CTNNA3: variants seen among roughly 807,000 people sequenced by gnomAD.
The protein encoded by CTNNA3 is catenin alpha 3.
A neutral mutation model predicts 95.7 loss-of-function variants in CTNNA3; 76 were observed. The observed-to-expected ratio is 0.79, with a 90% confidence interval of 0.66 to 0.96. The LOEUF (loss-of-function observed/expected upper bound fraction) is 0.96, where lower values mean the gene tolerates loss of function less well. Ranked by LOEUF, CTNNA3 falls within the 40% of genes least tolerant of loss-of-function variation. The pLI is 0.00. For synonymous variants in CTNNA3, 431 were observed against 374.4 expected, an observed-to-expected ratio of 1.15 and a Z score of -1.74; for missense variants, 1,191 against 1,089.8, an observed-to-expected ratio of 1.09 and a Z score of -1.31.
intron 5 of CTNNA3, among the ~76,000 whole-genome samples, chr10:67,340,215 T>C (rs1213679469): frequency 1.3e-5 from 2 of 152,304 alleles, no homozygotes; most frequent in South Asian, 2.1e-4. Flanking sequence ...GTTTGCTTAT[T>C]GTATTTTTAA....
intron 5 of CTNNA3, among the ~76,000 whole-genome samples, chr10:67,445,391 C>G (rs1481908696): frequency 1.3e-5 from 2 of 148,478 alleles, no homozygotes; most frequent in African/African-American, 5.0e-5. Flanking sequence ...GAGCTAAATG[C>G]ATTAAAAAAA....
At chr10:67,172,495 C>T (rs1862061742) in intron 7 of CTNNA3, among the ~76,000 whole-genome samples, 1 of 152,038 alleles carries the variant, frequency 6.6e-6, no homozygotes, top group Non-Finnish European at 1.5e-5. Flanking sequence ...CAAAATCCAT[C>T]ATATGTATTC....
intron 7 of CTNNA3, among the ~76,000 whole-genome samples, chr10:66,865,218 G>GCA (rs1476164689): frequency 7.4e-5 from 11 of 149,172 alleles, no homozygotes; most frequent in Admixed American, 6.7e-4. Context: ...GTGTGCGTGT[G>GCA]TGTGTGTGTG....
At chr10:66,716,196 A>G (rs986960693) in intron 9 of CTNNA3, among the ~76,000 whole-genome samples, 17 of 152,140 alleles carry the variant, frequency 1.1e-4, no homozygotes, top group African/African-American at 4.1e-4. Flanking sequence ...CTTATCGTGT[A>G]CAAATGTTAT....
chr10:66,279,872 A>G (rs1589024076), intron 13 of CTNNA3, among the ~76,000 whole-genome samples: 2 of 152,030 alleles, frequency 1.3e-5, no homozygotes, highest in Non-Finnish European at 2.9e-5. Context: ...TTGAGGGAAA[A>G]CAATCCTGGT....
At chr10:66,077,818 T>C (rs1195116385) in intron 14 of CTNNA3, among the ~76,000 whole-genome samples, 1 of 151,814 alleles carries the variant, frequency 6.6e-6, no homozygotes, top group Non-Finnish European at 1.5e-5. Context: ...ATATATATTT[T>C]ATCCAGAAGG....
chr10:66,311,910 C>T (rs1368128710), intron 12 of CTNNA3, among the ~76,000 whole-genome samples: 1 of 152,118 alleles, frequency 6.6e-6, no homozygotes, highest in African/African-American at 2.4e-5. Flanking sequence ...GTTCTATCTT[C>T]TAAATGTTGG....
intron 11 of CTNNA3, among the ~76,000 whole-genome samples, chr10:66,491,010 G>C (rs555698537): frequency 6.6e-6 from 1 of 152,264 alleles, no homozygotes; most frequent in South Asian, 2.1e-4. Context: ...CAAATCTTAT[G>C]TTACTGATAT....
At position 66,491,079 on chromosome 10, in the gene CTNNA3, G is replaced by C. The variant is rs202166606; in HGVS notation, c.1531+29538C>G. ...GTAAATGGCTGAGGGTAACAGAGAA[G>C]AAATGCAATTGAAGAGCTGTTCCAG... On this transcript the variant is annotated intron_variant, in intron 11 of 17. Coordinates refer to ENST00000433211, the MANE Select transcript of CTNNA3 (RefSeq NM_013266.4). 3.9e-5 allele frequency among the ~76,000 whole-genome samples: 6 copies of C among 152,258 alleles called. No homozygotes were observed. The East Asian group carries it at 1.2e-3, about 29-fold the overall frequency.
intron 7 of CTNNA3, among the ~76,000 whole-genome samples, chr10:66,839,786 G>T (rs1842986051): frequency 6.6e-6 from 1 of 152,000 alleles, no homozygotes; most frequent in African/African-American, 2.4e-5. Context: ...ATTATAACAG[G>T]CAGATATAAT....
At chr10:66,918,293 A>T (rs1188359931) in intron 7 of CTNNA3, among the ~76,000 whole-genome samples, 1 of 152,234 alleles carries the variant, frequency 6.6e-6, no homozygotes, top group Non-Finnish European at 1.5e-5. Context: ...TATGAATGTT[A>T]ACCAATAAAG....
At chr10:67,500,859 T>A (rs1839206116) in intron 5 of CTNNA3, among the ~76,000 whole-genome samples, 1 of 152,208 alleles carries the variant, frequency 6.6e-6, no homozygotes, top group Admixed American at 6.5e-5. Context: ...TATGTGTGCC[T>A]CTGCACGTGA....
intron 7 of CTNNA3, among the ~76,000 whole-genome samples, chr10:67,035,237 T>A (rs553339159): frequency 1.3e-5 from 2 of 152,322 alleles, no homozygotes; most frequent in South Asian, 4.1e-4. Flanking sequence ...ATATATATAG[T>A]CAAATTAAGT....
intron 7 of CTNNA3, among the ~76,000 whole-genome samples, chr10:67,146,298 T>C (rs941540352): frequency 2.0e-4 from 30 of 152,198 alleles, no homozygotes; most frequent in Non-Finnish European, 4.3e-4. Context: ...AACCTATAGA[T>C]ACATAGAAAT....
At chr10:67,230,399 T>A (rs1250490432) in intron 5 of CTNNA3, among the ~76,000 whole-genome samples, 1 of 151,946 alleles carries the variant, frequency 6.6e-6, no homozygotes, top group Non-Finnish European at 1.5e-5. Flanking sequence ...AGGCAAAGAT[T>A]TCATCACCAA....
chr10:67,262,297 T>C (rs1866650232), intron 5 of CTNNA3, among the ~76,000 whole-genome samples: 2 of 152,194 alleles, frequency 1.3e-5, no homozygotes, highest in Non-Finnish European at 2.9e-5. Flanking sequence ...AATAATTTTA[T>C]ATGCAGGATC....
intron 1 of CTNNA3, among the ~76,000 whole-genome samples, chr10:67,709,625 A>G (rs1330985612): frequency 7.6e-6 from 1 of 132,348 alleles, no homozygotes; most frequent in Non-Finnish European, 1.6e-5. Flanking sequence ...CTCCCGCTCC[A>G]TATCTGATCT....
intron 13 of CTNNA3, among the ~76,000 whole-genome samples, chr10:66,149,269 T>G (rs1466036024): frequency 4.0e-5 from 6 of 149,038 alleles, no homozygotes; most frequent in Admixed American, 2.0e-4. Flanking sequence ...GTTAGCCATA[T>G]CATTAAAATA....
chr10:66,452,253 G>A (rs7100690), intron 11 of CTNNA3, among the ~76,000 whole-genome samples: 58,214 of 151,878 alleles, frequency 0.38, 11,721 homozygotes, highest in African/African-American at 0.5. Context: ...ATATTATTTC[G>A]TGTACTGTAT....
Sources: gnomAD v4.1 joint callset for allele counts (sites outside exome capture counted in the v4.1 genomes callset) on GRCh38, gnomAD v4.1.1 for gene constraint, MANE v1.5 for transcripts, NCBI Gene and HGNC (gene_info 2026-07-23, HGNC 2026-07-21) for gene names.